HNRNPUL1: variants seen among roughly 807,000 people sequenced by gnomAD.
HNRNPUL1 encodes the protein heterogeneous nuclear ribonucleoprotein U like 1.
A neutral mutation model predicts 108.5 loss-of-function variants in HNRNPUL1; 14 were observed. The observed-to-expected ratio is 0.13, with a 90% CI of 0.09 to 0.20. The LOEUF (loss-of-function observed/expected upper bound fraction) is 0.20, where lower values mean the gene tolerates loss of function less well. Ranked by LOEUF, HNRNPUL1 falls within the 10% of genes least tolerant of loss-of-function variation. The pLI is 1.00. For synonymous variants in HNRNPUL1, 422 were observed against 445.2 expected, an observed-to-expected ratio of 0.95 and a Z score of 0.66; for missense variants, 804 against 1,168.3, an observed-to-expected ratio of 0.69 and a Z score of 4.55.
chr19:41,280,960 A>G (rs971493726), intron 6 of HNRNPUL1: 6 of 534,064 alleles, frequency 1.1e-5, no homozygotes, highest in Admixed American at 3.1e-5. Flanking sequence ...CAGACTGGAC[A>G]ATGAAACCCA....
intron 7 of HNRNPUL1, among the ~76,000 whole-genome samples, chr19:41,290,394 A>G (rs2036514780): frequency 6.6e-6 from 1 of 152,224 alleles, no homozygotes; most frequent in Non-Finnish European, 1.5e-5. Context: ...TTTCCAAAAC[A>G]CAGTTTTGAG....
intron 12 of HNRNPUL1, 152 bp downstream of exon 12, chr19:41,303,101 C>A: frequency 1.2e-6 from 1 of 842,336 alleles, no homozygotes; most frequent in Non-Finnish European, 1.7e-6. Flanking sequence ...ACACGGAGAC[C>A]TCAGAAACGC....
chr19:41,305,904 C>G, intron 14 of HNRNPUL1, 37 bp downstream of exon 14: 2 of 1,354,154 alleles, frequency 1.5e-6, no homozygotes, highest in Non-Finnish European at 2.1e-6. Context: ...GATGGAGAGA[C>G]TTCCATGGGC....
intron 7 of HNRNPUL1, among the ~76,000 whole-genome samples, chr19:41,290,362 G>A (rs1352978434): frequency 6.6e-6 from 1 of 152,132 alleles, no homozygotes; most frequent in Non-Finnish European, 1.5e-5. Flanking sequence ...AGAGCCTCTC[G>A]TATCCTGCAG....
intron 1 of HNRNPUL1, chr19:41,265,286 A>G (rs1421793583): frequency 1.5e-6 from 2 of 1,373,788 alleles, no homozygotes; most frequent in Non-Finnish European, 9.5e-7. Flanking sequence ...GAGAGTTCTG[A>G]GGAAGGAGGA....
At position 41,268,258 on chromosome 19, in the gene HNRNPUL1, T is replaced by G; in HGVS notation, c.331T>G (p.Tyr111Asp). Residue 111 changes from tyrosine (Y) to aspartate (D), a missense_variant, in exon 2 of 15, where the codon TAC (tyrosine) becomes GAC (aspartate). Tyr to Asp is a radical substitution (Grantham distance 160, BLOSUM62 -3). Coordinates refer to ENST00000392006, the MANE Select transcript of HNRNPUL1 (RefSeq NM_007040.6). ...MDNITRQNQF[Y>D]DTQVIKQENE... ...CAATATTACCAGGCAGAACCAATTC[T>G]ACGATACCCAAGTCATCAAACAAGA... is the stretch of plus-strand genomic sequence containing the variant. 1 of 1,614,062 alleles carries G rather than the reference T, an allele frequency of 6.2e-7. No individual in the cohort carries two copies. Among genetic ancestry groups the G allele is most frequent in the Non-Finnish European group, 8.5e-7 (1 of 1,179,994 alleles).
At chr19:41,277,715 C>G (rs906177074) in intron 5 of HNRNPUL1, among the ~76,000 whole-genome samples, 1 of 152,162 alleles carries the variant, frequency 6.6e-6, no homozygotes, top group Admixed American at 6.5e-5. Context: ...CCATGTTGAT[C>G]AGGCTGGGCT....
chr19:41,286,786 G>A (rs1038947982), intron 7 of HNRNPUL1: 4 of 137,620 alleles, frequency 2.9e-5, no homozygotes, highest in Non-Finnish European at 6.0e-5. Flanking sequence ...GCTTTATCTC[G>A]GCTCACTGCA....
At chr19:41,284,177 A>G (rs2036070960) in intron 7 of HNRNPUL1, among the ~76,000 whole-genome samples, 1 of 148,998 alleles carries the variant, frequency 6.7e-6, no homozygotes, top group African/African-American at 2.4e-5. Context: ...AGAAGCAGAA[A>G]AAAGTTATGG....
intron 4 of HNRNPUL1, among the ~76,000 whole-genome samples, chr19:41,275,287 A>G (rs1045397843): frequency 1.3e-5 from 2 of 152,282 alleles, no homozygotes; most frequent in African/African-American, 4.8e-5. Context: ...TCTAAAAACT[A>G]GTTTGAGCCT....
chr19:41,270,423 A>G (rs921025905), intron 2 of HNRNPUL1, among the ~76,000 whole-genome samples: 1 of 152,084 alleles, frequency 6.6e-6, no homozygotes, highest in Admixed American at 6.5e-5. Flanking sequence ...TTTTTTAATT[A>G]AATTTAAAAA....
Position 41,264,716 on chromosome 19 carries a change from G to C in HNRNPUL1, c.213G>C (p.Glu71Asp), listed in dbSNP as rs760374490. 2.7e-6 allele frequency: 4 copies of C among 1,500,994 alleles called. No individual in the cohort carries two copies. The highest frequency in any genetic ancestry group is 2.5e-5 in the South Asian group (2 of 80,904). The allele number at this position is 1,500,994 out of a possible 1,614,324, so 93.0% of individuals were successfully genotyped here. A position where few individuals can be genotyped will look rare whatever the true frequency, so the allele number is the denominator to read the frequency against. The change falls in exon 1 of 15, where the codon GAG becomes GAC. Residue 71 changes from glutamate to aspartate, a missense_variant. Physicochemically the swap from Glu to Asp is conservative, Grantham distance 45 (BLOSUM62 2). Around this residue, in one of 4 missense-constraint regions of HNRNPUL1, gnomAD observed 256 missense variants for 261.6 expected, o/e 0.98. Coordinates refer to ENST00000392006, the MANE Select transcript of HNRNPUL1 (RefSeq NM_007040.6). ...AGGTCGAGACCGAGGGGGGCTCCGA[G>C]CTGGAGGGGACCGCGCAGCCACCGC... ...NEEVETEGGS[E>D]LEGTAQPPPP...
In HNRNPUL1 at chr19:41,294,532, C is replaced by G; in HGVS notation, c.1390-26C>G. On this transcript the variant is annotated intron_variant, in intron 9 of 14. Transcript: ENST00000392006. This position sits in a 1 kb window ranked among gnomAD's most constrained non-coding sequence, Gnocchi z 4.3. The stretch of plus-strand genomic sequence containing the variant: ...GTGCTGCCCTGCAACTAAAATCACT[C>G]ACCCCTCACCAATTCCTGCCCGCAG... The G allele has an allele frequency of 6.2e-7, 1 of 1,613,784 alleles. No homozygotes were observed. The highest frequency in any genetic ancestry group is 8.5e-7 in the Non-Finnish European group (1 of 1,179,702).
In HNRNPUL1 at chr19:41,292,426, T is replaced by G; in HGVS notation, c.1181T>G (p.Leu394Arg). The G allele has an allele frequency of 6.2e-7, 1 of 1,614,186 alleles. No individual in the cohort carries two copies. The highest frequency in any genetic ancestry group is 8.5e-7 in the Non-Finnish European group (1 of 1,180,034). Residue 394 changes from leucine (L) to arginine (R), a missense_variant, in exon 8 of 15, where the codon CTC becomes CGC. Transcript: ENST00000392006. The surrounding 1 kb of genome is among the most constrained non-coding windows in gnomAD (Gnocchi z 4.1). ...AGAGCAGAGCCCTACTGTTCTGTCC[T>G]CCCGGGGTTTACCTTCATCCAGCAC... ...GQRAEPYCSV[L>R]PGFTFIQHLP... is the part of the protein sequence containing the mutation.
chr19:41,264,358 C>CGGT, upstream of HNRNPUL1: 1 of 578,820 alleles, frequency 1.7e-6, no homozygotes, highest in East Asian at 3.4e-5. Context: ...AGGGGGGAGG[C>CGGT]GGTGGCGGCG....
At position 41,279,127 on chromosome 19, in the gene HNRNPUL1, C is replaced by G; in HGVS notation, c.837C>G (p.Pro279=). The G allele has an allele frequency of 1.2e-6, 2 of 1,614,062 alleles. No homozygotes were observed. Among genetic ancestry groups the G allele is most frequent in the Non-Finnish European group, 1.7e-6 (2 of 1,180,014 alleles). ...ACCTTCCGTCTACAGAGCCTGACCC[C>G]CACGTGGTCCGTATCGGCTGGTCCC... ...VKHLPSTEPD[P]HVVRIGWSLD... is the part of the protein sequence containing the mutation. The change falls in exon 6 of 15, where the codon CCC becomes CCG. Residue 279 remains proline (P), a synonymous_variant. Coordinates refer to ENST00000392006, the MANE Select transcript of HNRNPUL1 (RefSeq NM_007040.6).
intron 7 of HNRNPUL1, among the ~76,000 whole-genome samples, chr19:41,282,423 C>T (rs1308856986): frequency 6.6e-6 from 1 of 152,194 alleles, no homozygotes; most frequent in Non-Finnish European, 1.5e-5. Flanking sequence ...CTCAGATGAT[C>T]TGCTCGCCTC....
intron 1 of HNRNPUL1, among the ~76,000 whole-genome samples, chr19:41,267,194 A>G (rs562031345): frequency 6.6e-6 from 1 of 152,318 alleles, no homozygotes; most frequent in Non-Finnish European, 1.5e-5. Flanking sequence ...GAGGGGTGTT[A>G]TGAATGAGAT....
At position 41,283,607 on chromosome 19, in the gene HNRNPUL1, C is replaced by T. The variant is rs10402476; in HGVS notation, c.999+2332C>T. On this transcript the variant is annotated intron_variant, in intron 7 of 14. Transcript: ENST00000392006. ...AGTAGCTGGGATTACAGGTGCACGC[C>T]ACCATGCCTGGCTAATTTTTGTATT... is the stretch of plus-strand genomic sequence containing the variant. Among the ~76,000 whole-genome samples, 230 of 152,314 alleles carry T rather than the reference C, an allele frequency of 1.5e-3. 1 individual carries two copies. The highest frequency in any genetic ancestry group is 5.3e-3 in the African/African-American group (221 of 41,554).
Sources: gnomAD v4.1 joint callset for allele counts (sites outside exome capture counted in the v4.1 genomes callset) on GRCh38, gnomAD v4.1.1 for gene constraint, gnomAD v4.1.1 regional missense constraint, Gnocchi (gnomAD v3.1) non-coding constraint, MANE v1.5 for transcripts, NCBI Gene and HGNC (gene_info 2026-07-23, HGNC 2026-07-21) for gene names.